The following PCDH9 variants were observed in gnomAD, a reference collection of about 807,000 sequenced individuals.
The protein encoded by PCDH9 is protocadherin-9.
Under a neutral mutation model 70.6 loss-of-function variants are expected in PCDH9, and 24 were observed. That is an observed-to-expected ratio of 0.34 (90% CI 0.25 to 0.48). PCDH9 has a LOEUF of 0.48. Among genes scored for constraint, PCDH9 ranks in the 20% least tolerant of loss-of-function variants. The pLI is 0.99. For missense variants in PCDH9, 1,281 were observed against 1,503.6 expected, an observed-to-expected ratio of 0.85 and a Z score of 2.45; for synonymous variants, 562 against 558.5, an observed-to-expected ratio of 1.01 and a Z score of -0.09.
At chr13:66,978,845 T>C (rs2083677661) in intron 2 of PCDH9, among the ~76,000 whole-genome samples, 1 of 150,828 alleles carries the variant, frequency 6.6e-6, no homozygotes, top group Admixed American at 6.6e-5. Context: ...TGAATGTATG[T>C]ATATATGTAT....
At chr13:66,800,670 T>A (rs1332524883) in intron 3 of PCDH9, among the ~76,000 whole-genome samples, 2 of 152,164 alleles carry the variant, frequency 1.3e-5, no homozygotes, top group East Asian at 3.9e-4. Context: ...GCAAGATGTC[T>A]CACTTGCATA....
chr13:67,211,935 A>AAATG (rs1461767299), intron 2 of PCDH9: 2 of 152,098 alleles, frequency 1.3e-5, no homozygotes, highest in African/African-American at 2.4e-5. Flanking sequence ...GCCCTTTTCA[A>AAATG]AATGGATGTC....
At chr13:66,645,243 T>C (rs974163504) in intron 3 of PCDH9, among the ~76,000 whole-genome samples, 1 of 152,104 alleles carries the variant, frequency 6.6e-6, no homozygotes, top group Non-Finnish European at 1.5e-5. Context: ...TTTTAGTGCA[T>C]GAGTATGATC....
intron 2 of PCDH9, among the ~76,000 whole-genome samples, chr13:67,037,125 A>G (rs1465500745): frequency 2.6e-5 from 4 of 152,132 alleles, no homozygotes; most frequent in African/African-American, 9.7e-5. Flanking sequence ...TCAACTTTCC[A>G]CGAAATCCTA....
chr13:67,149,364 T>G (rs912495631), intron 2 of PCDH9, among the ~76,000 whole-genome samples: 21 of 152,202 alleles, frequency 1.4e-4, no homozygotes, highest in Non-Finnish European at 2.1e-4. Flanking sequence ...AAGTCTCATT[T>G]TCTTTATGAA....
intron 3 of PCDH9, among the ~76,000 whole-genome samples, chr13:66,897,994 T>C (rs528390703): frequency 1.6e-4 from 24 of 152,178 alleles, no homozygotes; most frequent in Admixed American, 3.9e-4. Flanking sequence ...CTCCAGTCCA[T>C]GATGTATTTT....
intron 3 of PCDH9, among the ~76,000 whole-genome samples, chr13:66,665,178 C>T (rs77850085): frequency 0.092 from 13,933 of 150,998 alleles, 697 homozygotes; most frequent in Middle Eastern, 0.17. Flanking sequence ...GAGACCTCGC[C>T]TCACTACAAC....
chr13:66,411,700 A>G (rs564627177), intron 4 of PCDH9, among the ~76,000 whole-genome samples: 1 of 151,922 alleles, frequency 6.6e-6, no homozygotes, highest in Non-Finnish European at 1.5e-5. Flanking sequence ...GATACCCTAA[A>G]ATAAATACCT....
chr13:66,709,319 C>A (rs535129582), intron 3 of PCDH9, among the ~76,000 whole-genome samples: 2 of 152,270 alleles, frequency 1.3e-5, no homozygotes, highest in Admixed American at 6.5e-5. Flanking sequence ...TTTAAAATAT[C>A]TTTCCTAGTC....
At chr13:66,694,376 A>G (rs924700198) in intron 3 of PCDH9, among the ~76,000 whole-genome samples, 1 of 152,218 alleles carries the variant, frequency 6.6e-6, no homozygotes, top group Non-Finnish European at 1.5e-5. Flanking sequence ...CAGTTAAGGG[A>G]AAAACATTAT....
At chr13:66,542,863 T>C (rs939024258) in intron 4 of PCDH9, among the ~76,000 whole-genome samples, 5 of 149,790 alleles carry the variant, frequency 3.3e-5, no homozygotes, top group African/African-American at 9.7e-5. Flanking sequence ...ACAACTATTA[T>C]GTATCTATCA....
chr13:66,454,196 A>G (rs1958271653), intron 4 of PCDH9, among the ~76,000 whole-genome samples: 1 of 152,110 alleles, frequency 6.6e-6, no homozygotes, highest in African/African-American at 2.4e-5. Context: ...ACTAATTTGC[A>G]GCTTGTGAGT....
At chr13:66,651,326 A>G (rs908116643) in intron 3 of PCDH9, among the ~76,000 whole-genome samples, 1 of 151,998 alleles carries the variant, frequency 6.6e-6, no homozygotes, top group Non-Finnish European at 1.5e-5. Context: ...AAACTGAGAC[A>G]TTACCACTGA....
chr13:66,661,238 C>A (rs918643525), intron 3 of PCDH9, among the ~76,000 whole-genome samples: 36 of 152,070 alleles, frequency 2.4e-4, no homozygotes, highest in Admixed American at 1.5e-3. Flanking sequence ...TTTCCTTTCC[C>A]TTGTTGGAAC....
chr13:66,624,937 T>C (rs2138914733), intron 4 of PCDH9, among the ~76,000 whole-genome samples: 1 of 127,752 alleles, frequency 7.8e-6, no homozygotes, highest in East Asian at 2.4e-4. Context: ...CTTTGTATTC[T>C]GGAAAATTTA....
chr13:66,413,983 T>C (rs1341112093), intron 4 of PCDH9, among the ~76,000 whole-genome samples: 1 of 152,006 alleles, frequency 6.6e-6, no homozygotes, highest in African/African-American at 2.4e-5. Flanking sequence ...TTCTTCCTTA[T>C]GTAAAATTCT....
chr13:66,615,987 C>T (rs1262050423), intron 4 of PCDH9, among the ~76,000 whole-genome samples: 1 of 152,120 alleles, frequency 6.6e-6, no homozygotes, highest in Non-Finnish European at 1.5e-5. Flanking sequence ...TTAATTTTAC[C>T]AAGGCTTTGA....
chr13:66,336,951 C>A (rs1480434799), intron 4 of PCDH9, among the ~76,000 whole-genome samples: 1 of 151,976 alleles, frequency 6.6e-6, no homozygotes, highest in Non-Finnish European at 1.5e-5. Context: ...TAACAAAATT[C>A]TCTTTTGCAG....
At chr13:66,673,421 T>C (rs909542678) in intron 3 of PCDH9, among the ~76,000 whole-genome samples, 5 of 152,042 alleles carry the variant, frequency 3.3e-5, no homozygotes. Context: ...AGTTACCCAG[T>C]CTTGGATATT....
Sources: gnomAD v4.1 joint callset for allele counts (sites outside exome capture counted in the v4.1 genomes callset) on GRCh38, gnomAD v4.1.1 for gene constraint, MANE v1.5 for transcripts, NCBI Gene and HGNC (gene_info 2026-07-23, HGNC 2026-07-21) for gene names.